The following AGO2 variants were observed in gnomAD, a reference collection of about 807,000 sequenced individuals.
The protein encoded by AGO2 is protein argonaute-2.
A neutral mutation model predicts 102.3 loss-of-function variants in AGO2; 5 were observed. The ratio of observed to expected loss-of-function variants is 0.05; its 90% CI spans 0.03 to 0.10. The LOEUF (loss-of-function observed/expected upper bound fraction) is 0.10. AGO2 is among the 10% of genes least tolerant of loss of function. The pLI is 1.00. For missense variants in AGO2, 541 were observed against 1,183.7 expected (o/e 0.46, Z 7.97); for synonymous variants, 449 against 473.1 (o/e 0.95, Z 0.66).
chr8:140,563,035 C>T (rs2073228073), intron 3 of AGO2, among the ~76,000 whole-genome samples: 1 of 152,194 alleles, frequency 6.6e-6, no homozygotes, highest in African/African-American at 2.4e-5. Context: ...CTCCGCTACT[C>T]AGAACCCACA....
In AGO2 at chr8:140,539,500, A is replaced by C; in HGVS notation, c.2035-46T>G. 14 of 1,578,836 alleles carry C rather than the reference A, an allele frequency of 8.9e-6. No homozygotes were observed. The highest frequency in any genetic ancestry group is 1.2e-5 in the Non-Finnish European group (14 of 1,159,626). ...AGGTTGTGCTTAAAGATGGTAGTGC[A>C]TGTGAGCAACGGTCCCACGTGCGGG... On this transcript the variant is annotated intron_variant, in intron 15 of 18. Transcript: ENST00000220592. The surrounding 1 kb of genome is among the most constrained non-coding windows in gnomAD (Gnocchi z 4.7).
At chr8:140,583,698 A>C (rs1389629798) in intron 2 of AGO2, among the ~76,000 whole-genome samples, 1 of 152,134 alleles carries the variant, frequency 6.6e-6, no homozygotes, top group African/African-American at 2.4e-5. Flanking sequence ...ATATGGTGAA[A>C]TCCTGTCTCT....
chr8:140,559,221 C>T (rs1038554738), intron 6 of AGO2, among the ~76,000 whole-genome samples, 174 bp downstream of exon 6: 2 of 152,162 alleles, frequency 1.3e-5, no homozygotes, highest in African/African-American at 4.8e-5. Context: ...CCCCCACTCC[C>T]GCTCTGGGAA....
intron 4 of AGO2, among the ~76,000 whole-genome samples, chr8:140,561,227 G>A (rs2073196495): frequency 6.6e-6 from 1 of 152,252 alleles, no homozygotes; most frequent in Admixed American, 6.5e-5. Flanking sequence ...TGGCCCGGGA[G>A]GCGCCGTCAC....
At chr8:140,629,002 A>G (rs999815988) in intron 1 of AGO2, among the ~76,000 whole-genome samples, 4 of 152,032 alleles carry the variant, frequency 2.6e-5, no homozygotes, top group African/African-American at 9.7e-5. Context: ...GAGGCACAAG[A>G]ATCACTTGAA....
chr8:140,589,279 G>T lies in AGO2; in HGVS notation c.23-3968C>A, dbSNP rs2073711837. Among the ~76,000 whole-genome samples the T allele has an allele frequency of 6.6e-6, 1 of 152,210 alleles. No homozygotes were observed. Among genetic ancestry groups the T allele is most frequent in the South Asian group, 2.1e-4 (1 of 4,832 alleles). On this transcript the variant is annotated intron_variant, in intron 1 of 18. Coordinates refer to ENST00000220592, the MANE Select transcript of AGO2 (RefSeq NM_012154.5). This position sits in a 1 kb window ranked among gnomAD's most constrained non-coding sequence, Gnocchi z 4.2. ...AGACGTGTACCCTGAGGCGGGGAGAGCAGCTGCAGAAATTCAGAGTCATTA... is the reference window on the plus strand; with the variant it reads ...AGACGTGTACCCTGAGGCGGGGAGATCAGCTGCAGAAATTCAGAGTCATTA...
intron 10 of AGO2, among the ~76,000 whole-genome samples, chr8:140,553,098 CAG>C (rs1266810178): frequency 6.6e-5 from 10 of 152,330 alleles, no homozygotes; most frequent in African/African-American, 2.4e-4. Context: ...CATGTATTAA[CAG>C]AAGCATTACA....
intron 2 of AGO2, among the ~76,000 whole-genome samples, chr8:140,575,826 A>G (rs2073455244): frequency 6.6e-6 from 1 of 152,256 alleles, no homozygotes; most frequent in African/African-American, 2.4e-5. Context: ...AATTAACATG[A>G]AACAGGTTAT....
chr8:140,547,613 C>A lies in AGO2; in HGVS notation c.1603G>T (p.Val535Leu). The change falls in exon 13 of 19, where the codon GTG (valine) becomes TTG (leucine). Residue 535 changes from valine (V) to leucine (L), a missense_variant. By Grantham distance (32) the Val-to-Leu change is conservative. Transcript: ENST00000220592. ...GCCATCCCCAGCACCGTGTCTCCCA[C>A]GCGCTTGACCTCGGCTAAGGGACAT... ...KTPVYAEVKRVGDTVLGMATQ... is the reference protein window; with the variant it reads ...KTPVYAEVKRLGDTVLGMATQ... 6.2e-7 allele frequency: 1 copy of A among 1,613,312 alleles called. No homozygotes were observed. Among genetic ancestry groups the A allele is most frequent in the South Asian group, 1.1e-5 (1 of 90,990 alleles).
At position 140,606,595 on chromosome 8, in the gene AGO2, C is replaced by T. The variant is rs374172525; in HGVS notation, c.23-21284G>A. ...AAGCCTATACATTCTGACAAAGTTA[C>T]ACACAAAGTTATCATCTTGGCAAGG... On this transcript the variant is annotated intron_variant, in intron 1 of 18. Coordinates refer to ENST00000220592, the MANE Select transcript of AGO2 (RefSeq NM_012154.5). Among the ~76,000 whole-genome samples the T allele has an allele frequency of 4.6e-5, 7 of 152,334 alleles. No homozygotes were observed. The East Asian group carries it at 9.6e-4, about 21-fold the overall frequency.
chr8:140,576,652 C>A (rs569218713), intron 2 of AGO2, among the ~76,000 whole-genome samples: 6 of 152,194 alleles, frequency 3.9e-5, no homozygotes. Flanking sequence ...ATGCTCTCTT[C>A]TACGAGGCTG....
At chr8:140,597,211 G>A (rs977086484) in intron 1 of AGO2, among the ~76,000 whole-genome samples, 13 of 152,182 alleles carry the variant, frequency 8.5e-5, no homozygotes, top group Admixed American at 8.5e-4. Flanking sequence ...CACACTTGCT[G>A]GGCTGAATCA....
At chr8:140,611,674 G>A (rs1040823969) in intron 1 of AGO2, among the ~76,000 whole-genome samples, 4 of 152,024 alleles carry the variant, frequency 2.6e-5, no homozygotes, top group African/African-American at 9.7e-5. Flanking sequence ...GAGGAAGTGG[G>A]GGGTGCACAT....
In AGO2 at chr8:140,539,810, TG is replaced by T. The variant is rs2072762818; in HGVS notation, c.2035-357del. Among the ~76,000 whole-genome samples the T allele has an allele frequency of 6.6e-6, 1 of 152,156 alleles. No homozygotes were observed. The highest frequency in any genetic ancestry group is 1.5e-5 in the Non-Finnish European group (1 of 68,010). ...CAGAAGCTCAGGGCAGGCTTTGGGC[TG>T]GGCGCAGTGGCTCATGCCTGTAATC... On this transcript the variant is annotated intron_variant, in intron 15 of 18. Coordinates refer to ENST00000220592, the MANE Select transcript of AGO2 (RefSeq NM_012154.5). The surrounding 1 kb of genome is among the most constrained non-coding windows in gnomAD (Gnocchi z 4.7).
chr8:140,581,711 G>C (rs1002418908), intron 2 of AGO2, among the ~76,000 whole-genome samples: 9 of 152,198 alleles, frequency 5.9e-5, no homozygotes, highest in Admixed American at 2.6e-4. Context: ...AAAGAAAGCT[G>C]CTTAACCCAG....
chr8:140,548,477 C>A (rs2072940471), intron 12 of AGO2, among the ~76,000 whole-genome samples: 1 of 152,170 alleles, frequency 6.6e-6, no homozygotes, highest in Non-Finnish European at 1.5e-5. Flanking sequence ...GGACCCACCC[C>A]CCGCTATTCC....
chr8:140,559,562 A>G (rs761177312), intron 5 of AGO2, 33 bp from the exon 6 acceptor site: 1 of 1,500,868 alleles, frequency 6.7e-7, no homozygotes, highest in Non-Finnish European at 9.1e-7. Flanking sequence ...AGGCCTAAGC[A>G]TGACTGTGGG....
At chr8:140,594,093 C>A (rs2073785924) in intron 1 of AGO2, among the ~76,000 whole-genome samples, 1 of 152,144 alleles carries the variant, frequency 6.6e-6, no homozygotes, top group Non-Finnish European at 1.5e-5. Context: ...TGCCTGAGCA[C>A]CTCCTACTCC....
intron 1 of AGO2, among the ~76,000 whole-genome samples, chr8:140,601,883 G>C (rs927646962): frequency 6.6e-6 from 1 of 152,136 alleles, no homozygotes; most frequent in Non-Finnish European, 1.5e-5. Flanking sequence ...GCAGGTCAGC[G>C]GCGGGCCAGC....
Sources: allele counts gnomAD v4.1 joint callset (sites outside exome capture counted in the v4.1 genomes callset), GRCh38; gene constraint gnomAD v4.1.1; non-coding constraint Gnocchi (gnomAD v3.1); transcripts MANE v1.5; gene names NCBI Gene and HGNC (gene_info 2026-07-23, HGNC 2026-07-21).